Variants in FHIT observed in about 807,000 individuals in gnomAD.
FHIT encodes fragile histidine triad diadenosine triphosphatase.
Under a neutral mutation model 17.9 loss-of-function variants are expected in FHIT, and 19 were observed. The observed-to-expected ratio is 1.06, with a 90% CI of 0.74 to 1.56. The LOEUF (loss-of-function observed/expected upper bound fraction) is 1.56, where lower values mean the gene tolerates loss of function less well. Among genes scored for constraint, FHIT ranks in the 40% most tolerant of loss-of-function variants. The pLI, the probability that FHIT is intolerant of heterozygous loss-of-function variation, is 0.00. For missense variants in FHIT, 248 were observed against 189.2 expected (o/e 1.31, Z -1.82); for synonymous variants, 81 against 69.7 (o/e 1.16, Z -0.81).
chr3:59,908,706 A>C (rs1489458408), intron 8 of FHIT, among the ~76,000 whole-genome samples: 1 of 152,078 alleles, frequency 6.6e-6, no homozygotes, highest in African/African-American at 2.4e-5. Flanking sequence ...ATAAGCCAGA[A>C]TATGACTGAA....
chr3:60,644,638 C>T (rs1423835751), intron 4 of FHIT, among the ~76,000 whole-genome samples: 2 of 152,168 alleles, frequency 1.3e-5, no homozygotes, highest in Non-Finnish European at 2.9e-5. Flanking sequence ...TAATAATCTT[C>T]CTTTGCCCTT....
chr3:61,139,611 A>AAAAT (rs1206179235), intron 2 of FHIT, among the ~76,000 whole-genome samples: 1 of 152,108 alleles, frequency 6.6e-6, no homozygotes, highest in African/African-American at 2.4e-5. Flanking sequence ...AGTAGGCTGG[A>AAAAT]AAATAAATAA....
intron 5 of FHIT, among the ~76,000 whole-genome samples, chr3:60,410,466 T>C (rs1702022020): frequency 6.6e-6 from 1 of 152,200 alleles, no homozygotes; most frequent in African/African-American, 2.4e-5. Context: ...GGTTTTATCG[T>C]GGATAAAAGA....
At chr3:61,120,216 C>G (rs940490923) in intron 2 of FHIT, among the ~76,000 whole-genome samples, 1 of 152,140 alleles carries the variant, frequency 6.6e-6, no homozygotes, top group African/African-American at 2.4e-5. Context: ...ATCCAAAGGA[C>G]TAAGGACTAT....
At chr3:59,782,247 C>T (rs1251977831) in intron 8 of FHIT, among the ~76,000 whole-genome samples, 2 of 152,296 alleles carry the variant, frequency 1.3e-5, no homozygotes, top group South Asian at 4.2e-4. Flanking sequence ...AGCTACTGCG[C>T]CTGGCCATCA....
intron 1 of FHIT, among the ~76,000 whole-genome samples, chr3:61,205,082 T>C (rs911184371): frequency 4.6e-5 from 7 of 151,582 alleles, no homozygotes; most frequent in African/African-American, 1.2e-4. Flanking sequence ...TTTGGTGTTT[T>C]GTCCTTGTGA....
intron 4 of FHIT, among the ~76,000 whole-genome samples, chr3:60,710,748 T>G (rs1553704842): frequency 6.6e-6 from 1 of 152,174 alleles, no homozygotes; most frequent in Admixed American, 6.5e-5. Context: ...CCAGGCTCAC[T>G]TAGGTAAACA....
intron 5 of FHIT, among the ~76,000 whole-genome samples, chr3:60,368,008 C>T (rs1700177131): frequency 6.6e-6 from 1 of 151,990 alleles, no homozygotes; most frequent in African/African-American, 2.4e-5. Context: ...ATCTTTTATT[C>T]CATGAAATGA....
intron 5 of FHIT, among the ~76,000 whole-genome samples, chr3:60,251,327 G>A (rs1350963283): frequency 6.6e-6 from 1 of 152,106 alleles, no homozygotes; most frequent in Non-Finnish European, 1.5e-5. Context: ...TAGTACATAG[G>A]GAGTGAGGAA....
intron 5 of FHIT, among the ~76,000 whole-genome samples, chr3:60,054,661 C>T (rs369478785): frequency 6.6e-6 from 1 of 152,174 alleles, no homozygotes; most frequent in African/African-American, 2.4e-5. Flanking sequence ...TAATACCCAA[C>T]ACAGCATTTA....
chr3:60,744,145 TAA>T (rs1446184815), intron 4 of FHIT, among the ~76,000 whole-genome samples: 2 of 150,538 alleles, frequency 1.3e-5, no homozygotes, highest in South Asian at 2.1e-4. Flanking sequence ...CAATGCCTGG[TAA>T]AGCTCCTCTC....
intron 5 of FHIT, among the ~76,000 whole-genome samples, chr3:60,036,879 TA>T (rs1403942049): frequency 6.6e-6 from 1 of 152,230 alleles, no homozygotes; most frequent in Non-Finnish European, 1.5e-5. Flanking sequence ...TTAAAGCTTC[TA>T]AGCTGTTTAA....
chr3:61,182,281 A>C lies in FHIT; in HGVS notation c.-164+18336T>G, dbSNP rs534539946. Among the ~76,000 whole-genome samples, 7 of 152,356 alleles carry C rather than the reference A, an allele frequency of 4.6e-5. No individual in the cohort carries two copies. The East Asian group carries it at 1.3e-3, about 29-fold the overall frequency. On this transcript the variant is annotated intron_variant, in intron 2 of 9. Coordinates refer to ENST00000492590, the MANE Select transcript of FHIT (RefSeq NM_002012.4). Reference sequence around the variant, plus strand: ...TAAAGTATGAAATGCCTACATAACCAGATAAAATGACACAACTGTTCCAAA... The same window carrying C: ...TAAAGTATGAAATGCCTACATAACCCGATAAAATGACACAACTGTTCCAAA...
chr3:61,107,992 A>C (rs1398589917), intron 2 of FHIT, among the ~76,000 whole-genome samples: 1 of 152,114 alleles, frequency 6.6e-6, no homozygotes, highest in Non-Finnish European at 1.5e-5. Flanking sequence ...GTACGGAAAA[A>C]CCTTTAGGCT....
At chr3:59,854,375 G>A (rs904343830) in intron 8 of FHIT, among the ~76,000 whole-genome samples, 2 of 152,048 alleles carry the variant, frequency 1.3e-5, no homozygotes, top group East Asian at 1.9e-4. Flanking sequence ...TGCTTACGTC[G>A]CATGTGCAAA....
In FHIT at chr3:60,602,147, A is replaced by G. The variant is rs111581683; in HGVS notation, c.-17-65168T>C. ...CAGTTTTCACACAAAACATTTATCT[A>G]AAGTGAAGAAAGAACTGAATCCATG... is the stretch of plus-strand genomic sequence containing the variant. On this transcript the variant is annotated intron_variant, in intron 4 of 9. Transcript: ENST00000492590. 1.9e-3 allele frequency among the ~76,000 whole-genome samples: 291 copies of G among 152,328 alleles called. 1 individual carries two copies. Among genetic ancestry groups the G allele is most frequent in the African/African-American group, 6.7e-3 (280 of 41,588 alleles).
At chr3:60,103,305 A>G (rs1704270984) in intron 5 of FHIT, among the ~76,000 whole-genome samples, 1 of 152,190 alleles carries the variant, frequency 6.6e-6, no homozygotes, top group Non-Finnish European at 1.5e-5. Context: ...CGATCTAGGA[A>G]CCAAATTGAC....
At chr3:60,977,042 G>A (rs1315247387) in intron 3 of FHIT, among the ~76,000 whole-genome samples, 1 of 152,056 alleles carries the variant, frequency 6.6e-6, no homozygotes, top group African/African-American at 2.4e-5. Flanking sequence ...TCTGATGATG[G>A]GTGTATGAGT....
At chr3:60,439,528 G>A (rs1273419852) in intron 5 of FHIT, among the ~76,000 whole-genome samples, 5 of 151,980 alleles carry the variant, frequency 3.3e-5, no homozygotes, top group South Asian at 2.1e-4. Flanking sequence ...GGCCTCGAAG[G>A]ATTACAGGTG....
Sources: allele counts gnomAD v4.1 joint callset (sites outside exome capture counted in the v4.1 genomes callset), GRCh38; gene constraint gnomAD v4.1.1; transcripts MANE v1.5; gene names NCBI Gene and HGNC (gene_info 2026-07-23, HGNC 2026-07-21).